The following DIAPH3 variants were observed in gnomAD, a reference collection of about 807,000 sequenced individuals.
DIAPH3 encodes diaphanous related formin 3.
In DIAPH3, 117 loss-of-function variants were observed where a neutral mutation model predicts 144.3. The ratio of observed to expected loss-of-function variants is 0.81; its 90% confidence interval spans 0.70 to 0.95. The LOEUF (loss-of-function observed/expected upper bound fraction) is 0.95, where lower values mean the gene tolerates loss of function less well. DIAPH3 is among the 40% of genes least tolerant of loss of function. The pLI, the probability that DIAPH3 is intolerant of heterozygous loss-of-function variation, is 0.00. For synonymous variants in DIAPH3, 519 were observed against 488.9 expected, an observed-to-expected ratio of 1.06 and a Z score of -0.81; for missense variants, 1,421 against 1,412.7, an observed-to-expected ratio of 1.01 and a Z score of -0.09.
chr13:59,946,118 A>G (rs1379374420), intron 17 of DIAPH3, among the ~76,000 whole-genome samples: 1 of 152,172 alleles, frequency 6.6e-6, no homozygotes. Flanking sequence ...TGGCTTCCAT[A>G]CTTAGCGCTC....
chr13:59,699,907 T>A (rs1593608271), intron 27 of DIAPH3, among the ~76,000 whole-genome samples: 1 of 152,332 alleles, frequency 6.6e-6, no homozygotes, highest in South Asian at 2.1e-4. Flanking sequence ...AACACTTCCC[T>A]GAGGGAGAGA....
chr13:60,040,466 C>A (rs2055576125), intron 5 of DIAPH3, among the ~76,000 whole-genome samples: 1 of 152,050 alleles, frequency 6.6e-6, no homozygotes, highest in African/African-American at 2.4e-5. Context: ...CAAGACACAG[C>A]ATAATTTCCC....
At chr13:60,058,878 TAATA>T (rs1410233142) in intron 4 of DIAPH3, among the ~76,000 whole-genome samples, 2 of 151,908 alleles carry the variant, frequency 1.3e-5, no homozygotes, top group Admixed American at 6.6e-5. Context: ...CAGCGTGGTA[TAATA>T]AATACTGGAG....
intron 22 of DIAPH3, among the ~76,000 whole-genome samples, chr13:59,858,477 T>A (rs1454075966): frequency 6.6e-6 from 1 of 152,156 alleles, no homozygotes; most frequent in African/African-American, 2.4e-5. Context: ...GCACGGTATT[T>A]CTAGAATTAA....
chr13:59,948,163 A>G (rs2140422881), intron 17 of DIAPH3, among the ~76,000 whole-genome samples: 1 of 152,326 alleles, frequency 6.6e-6, no homozygotes, highest in South Asian at 2.1e-4. Context: ...TTATGGAGAC[A>G]GGATTCCAAC....
At chr13:60,131,291 C>G (rs2059129959) in intron 2 of DIAPH3, among the ~76,000 whole-genome samples, 1 of 151,486 alleles carries the variant, frequency 6.6e-6, no homozygotes, top group African/African-American at 2.4e-5. Context: ...TCAAAATTAG[C>G]TAGGTGAGGT....
At chr13:59,675,572 G>C (rs1294204182) in intron 27 of DIAPH3, among the ~76,000 whole-genome samples, 1 of 152,064 alleles carries the variant, frequency 6.6e-6, no homozygotes, top group Non-Finnish European at 1.5e-5. Context: ...TTTTAGTAGA[G>C]ATGTGGTTTC....
chr13:60,109,151 G>GA (rs1181543474), intron 3 of DIAPH3, among the ~76,000 whole-genome samples: 5 of 152,082 alleles, frequency 3.3e-5, no homozygotes, highest in African/African-American at 4.8e-5. Context: ...AGGATATGGA[G>GA]AGTAAACTGG....
chr13:60,121,841 A>T (rs2058853472), intron 2 of DIAPH3, among the ~76,000 whole-genome samples: 1 of 152,136 alleles, frequency 6.6e-6, no homozygotes. Context: ...ACTGTAATGA[A>T]AATTAATAAA....
chr13:60,158,904 C>CT (rs1235923232), intron 1 of DIAPH3, among the ~76,000 whole-genome samples: 3 of 69,518 alleles, frequency 4.3e-5, no homozygotes, highest in African/African-American at 1.0e-4. Context: ...CCTGGCCCCT[C>CT]TTAAAAAAAA....
intron 17 of DIAPH3, among the ~76,000 whole-genome samples, chr13:59,939,044 T>A (rs565702773): frequency 2.6e-5 from 4 of 152,300 alleles, no homozygotes; most frequent in South Asian, 4.2e-4. Flanking sequence ...TTTGACCTCT[T>A]GATTTGAAAA....
chr13:59,761,470 T>C (rs1194601263), intron 27 of DIAPH3, among the ~76,000 whole-genome samples: 1 of 152,200 alleles, frequency 6.6e-6, no homozygotes, highest in African/African-American at 2.4e-5. Context: ...TTTTTCTCTA[T>C]TGCTCATTTC....
chr13:59,796,731 A>C (rs2039627234), intron 25 of DIAPH3, among the ~76,000 whole-genome samples: 1 of 152,198 alleles, frequency 6.6e-6, no homozygotes, highest in Admixed American at 6.5e-5. Flanking sequence ...TCATCCTATA[A>C]CCAAAGGGGG....
chr13:59,693,254 G>T (rs2033632886), intron 27 of DIAPH3, among the ~76,000 whole-genome samples: 1 of 152,096 alleles, frequency 6.6e-6, no homozygotes, highest in Non-Finnish European at 1.5e-5. Context: ...TGGGCCTGTG[G>T]GTGAGGGTGT....
At chr13:59,989,450 T>C (rs574053872) in intron 12 of DIAPH3, among the ~76,000 whole-genome samples, 5 of 151,786 alleles carry the variant, frequency 3.3e-5, no homozygotes, top group African/African-American at 1.2e-4. Flanking sequence ...TTTGGAAACA[T>C]GAGGAAAAAA....
At chr13:60,017,228 A>G (rs1225707292) in intron 5 of DIAPH3, among the ~76,000 whole-genome samples, 1 of 151,906 alleles carries the variant, frequency 6.6e-6, no homozygotes, top group East Asian at 1.9e-4. Context: ...ACATGGTGAA[A>G]CCCCATCTCT....
chr13:60,136,661 C>T (rs1016735263), intron 1 of DIAPH3, among the ~76,000 whole-genome samples: 3 of 152,074 alleles, frequency 2.0e-5, no homozygotes, highest in Non-Finnish European at 4.4e-5. Flanking sequence ...TTCTGCCGGG[C>T]GCGGCGGCTC....
At chr13:59,796,587 T>C (rs341554) in intron 25 of DIAPH3, among the ~76,000 whole-genome samples, 92,804 of 152,064 alleles carry the variant, frequency 0.61, 28,787 homozygotes, top group East Asian at 0.7. Context: ...AAAAGAGTTG[T>C]CCATATACAT....
chr13:60,006,704 A>G (rs1017500420), intron 9 of DIAPH3, among the ~76,000 whole-genome samples: 4 of 152,172 alleles, frequency 2.6e-5, no homozygotes, highest in Non-Finnish European at 5.9e-5. Context: ...GAGACAAGAA[A>G]GCAAGAGAAA....
Sources: allele counts gnomAD v4.1 joint callset (sites outside exome capture counted in the v4.1 genomes callset), GRCh38; gene constraint gnomAD v4.1.1; transcripts MANE v1.5; gene names NCBI Gene and HGNC (gene_info 2026-07-23, HGNC 2026-07-21).